The following FAF1 variants were observed in gnomAD, a reference collection of about 807,000 sequenced individuals.
FAF1 encodes Fas associated factor 1, also known as FAS-associated factor 1.
FAF1 carries 25 observed loss-of-function variants against 92.5 expected under a neutral mutation model. That is an observed-to-expected ratio of 0.27 (90% CI 0.20 to 0.38). The LOEUF (loss-of-function observed/expected upper bound fraction) is 0.38. Ranked by LOEUF, FAF1 falls within the 10% of genes least tolerant of loss-of-function variation. The pLI, the probability that FAF1 is intolerant of heterozygous loss-of-function variation, is 1.00. For missense variants in FAF1, 636 were observed against 793.3 expected, an observed-to-expected ratio of 0.80 and a Z score of 2.38; for synonymous variants, 234 against 273.2, an observed-to-expected ratio of 0.86 and a Z score of 1.42.
At chr1:50,870,349 C>T (rs764601894) in intron 1 of FAF1, among the ~76,000 whole-genome samples, 17 of 152,252 alleles carry the variant, frequency 1.1e-4, no homozygotes, top group Non-Finnish European at 2.4e-4. Context: ...CCCAGCTACT[C>T]GGAAGGCTGA....
At chr1:50,561,821 T>C (rs1420596630) in intron 13 of FAF1, among the ~76,000 whole-genome samples, 2 of 147,996 alleles carry the variant, frequency 1.4e-5, no homozygotes, top group Non-Finnish European at 3.0e-5. Context: ...CGAGACGCCA[T>C]CTAGGACAGA....
intron 1 of FAF1, among the ~76,000 whole-genome samples, chr1:50,861,578 A>G (rs1422627099): frequency 1.3e-5 from 2 of 151,830 alleles, no homozygotes; most frequent in African/African-American, 4.8e-5. Flanking sequence ...AGTAAGGGAC[A>G]AAAATGCTAC....
At chr1:50,690,141 A>C (rs2124390042) in intron 7 of FAF1, among the ~76,000 whole-genome samples, 1 of 151,688 alleles carries the variant, frequency 6.6e-6, no homozygotes, top group South Asian at 2.1e-4. Flanking sequence ...GATTACAGGC[A>C]CATGTCACCA....
chr1:50,522,573 C>T (rs997898231), intron 15 of FAF1, among the ~76,000 whole-genome samples: 1 of 152,118 alleles, frequency 6.6e-6, no homozygotes. Flanking sequence ...GAGTAACAAA[C>T]TGCTCAGGAT....
chr1:50,555,907 CAT>C (rs772489460), intron 13 of FAF1, among the ~76,000 whole-genome samples: 1 of 150,650 alleles, frequency 6.6e-6, no homozygotes, highest in Admixed American at 6.6e-5. Context: ...GGTACGTATA[CAT>C]ATATATATAT....
intron 15 of FAF1, among the ~76,000 whole-genome samples, chr1:50,532,102 C>T (rs1648206635): frequency 6.6e-6 from 1 of 152,110 alleles, no homozygotes; most frequent in Non-Finnish European, 1.5e-5. Flanking sequence ...CAAAAGAAGT[C>T]TTTAAAGTTA....
chr1:50,724,288 C>CACACACAT (rs1280171148), intron 6 of FAF1, among the ~76,000 whole-genome samples: 5 of 113,480 alleles, frequency 4.4e-5, no homozygotes, highest in Admixed American at 9.1e-5. Flanking sequence ...CACACACACA[C>CACACACAT]ACACACATAC....
chr1:50,445,948 T>G (rs1285661686), intron 18 of FAF1, among the ~76,000 whole-genome samples: 1 of 152,232 alleles, frequency 6.6e-6, no homozygotes, highest in Non-Finnish European at 1.5e-5. Context: ...ATCAATTTTC[T>G]TAGCAGACTG....
intron 6 of FAF1, among the ~76,000 whole-genome samples, chr1:50,707,802 G>T (rs562819588): frequency 6.6e-6 from 1 of 152,218 alleles, no homozygotes; most frequent in African/African-American, 2.4e-5. Context: ...AATGAATGGT[G>T]AATTTCTAGA....
chr1:50,720,209 C>T (rs895812282), intron 6 of FAF1, among the ~76,000 whole-genome samples: 5 of 152,054 alleles, frequency 3.3e-5, no homozygotes, highest in African/African-American at 1.2e-4. Context: ...GCCATGTTGG[C>T]CAGGCTAGTC....
At chr1:50,582,444 T>C (rs1049489161) in intron 12 of FAF1, 174 bp downstream of exon 12, 2 of 551,542 alleles carry the variant, frequency 3.6e-6, no homozygotes, top group South Asian at 2.8e-5. Flanking sequence ...ATTGGACTTA[T>C]ACAGAGATGA....
chr1:50,676,519 T>A (rs1656128688), intron 7 of FAF1, among the ~76,000 whole-genome samples: 1 of 150,874 alleles, frequency 6.6e-6, no homozygotes, highest in African/African-American at 2.4e-5. Context: ...CCCTGGAATA[T>A]AATATAAAAA....
intron 4 of FAF1, 62 bp downstream of exon 4, chr1:50,787,938 T>C (rs1336592820): frequency 6.9e-7 from 1 of 1,443,558 alleles, no homozygotes; most frequent in Non-Finnish European, 9.7e-7. Context: ...ATAAAAAAAA[T>C]ATAACCTGAA....
chr1:50,520,756 G>A (rs988803754), intron 15 of FAF1, among the ~76,000 whole-genome samples: 5 of 152,160 alleles, frequency 3.3e-5, no homozygotes, highest in Non-Finnish European at 7.4e-5. Context: ...GAGGCAGGAG[G>A]ATTGCTTCAG....
chr1:50,842,846 A>T (rs1251587173), intron 2 of FAF1, among the ~76,000 whole-genome samples: 2 of 152,094 alleles, frequency 1.3e-5, no homozygotes, highest in Non-Finnish European at 2.9e-5. Context: ...ATAAAATTAC[A>T]CTGTATATTT....
intron 2 of FAF1, among the ~76,000 whole-genome samples, chr1:50,829,364 T>A (rs1261399710): frequency 1.3e-5 from 2 of 152,158 alleles, no homozygotes; most frequent in Non-Finnish European, 2.9e-5. Flanking sequence ...AAAGGCATTA[T>A]CCTTCCATTT....
intron 1 of FAF1, among the ~76,000 whole-genome samples, chr1:50,916,496 T>C (rs1644919503): frequency 6.6e-6 from 1 of 152,238 alleles, no homozygotes; most frequent in African/African-American, 2.4e-5. Flanking sequence ...AATGGACAAG[T>C]TGAAAGTGCT....
chr1:50,488,821 C>T lies in FAF1; in HGVS notation c.1653+1767G>A, dbSNP rs368091865. 9.9e-5 allele frequency among the ~76,000 whole-genome samples: 15 copies of T among 152,270 alleles called. No individual in the cohort carries two copies. In the East Asian group the frequency reaches 2.1e-3, roughly 22 times the overall value. Reference sequence around the variant, plus strand: ...TTTTAATGGTTAATTGATAAGCATACGTAAAGCAGCTAGCAAACTATTTAA... The same window carrying T: ...TTTTAATGGTTAATTGATAAGCATATGTAAAGCAGCTAGCAAACTATTTAA... On this transcript the variant is annotated intron_variant, in intron 17 of 18. Coordinates refer to ENST00000396153, the MANE Select transcript of FAF1 (RefSeq NM_007051.3).
chr1:50,698,816 G>A (rs886186192), intron 7 of FAF1, among the ~76,000 whole-genome samples: 2 of 151,900 alleles, frequency 1.3e-5, no homozygotes, highest in South Asian at 4.1e-4. Context: ...TATATAAAAG[G>A]CATGCTACCT....
Sources: gnomAD v4.1 joint callset for allele counts (sites outside exome capture counted in the v4.1 genomes callset) on GRCh38, gnomAD v4.1.1 for gene constraint, MANE v1.5 for transcripts, NCBI Gene and HGNC (gene_info 2026-07-23, HGNC 2026-07-21) for gene names.